Variants in KIF6 observed in about 807,000 individuals in gnomAD.
The protein encoded by KIF6 is kinesin-like protein KIF6.
A neutral mutation model predicts 112.7 loss-of-function variants in KIF6; 106 were observed. The ratio of observed to expected loss-of-function variants is 0.94; its 90% CI spans 0.80 to 1.11. The LOEUF (loss-of-function observed/expected upper bound fraction) is 1.11, where lower values mean the gene tolerates loss of function less well. KIF6 is among the 50% of genes least tolerant of loss of function. KIF6 has a pLI of 0.00. For missense variants in KIF6, 929 were observed against 964.0 expected (o/e 0.96, Z 0.48); for synonymous variants, 339 against 339.9 (o/e 1.00, Z 0.03).
intron 19 of KIF6, chr6:39,353,893 G>T (rs1764442255): frequency 1.8e-6 from 1 of 557,214 alleles, no homozygotes; most frequent in Admixed American, 2.1e-5. Context: ...AGTTCCTACT[G>T]CTAAGTGGAG....
At chr6:39,539,686 A>C (rs897698524) in intron 13 of KIF6, among the ~76,000 whole-genome samples, 9 of 152,096 alleles carry the variant, frequency 5.9e-5, no homozygotes, top group Non-Finnish European at 1.3e-4. Flanking sequence ...GTTCATTTGG[A>C]TTTATAAATA....
intron 3 of KIF6, among the ~76,000 whole-genome samples, chr6:39,684,049 T>C (rs1489238007): frequency 6.6e-6 from 1 of 152,204 alleles, no homozygotes; most frequent in East Asian, 1.9e-4. Flanking sequence ...TGCTCAGTTA[T>C]TGACTGGGAA....
intron 13 of KIF6, among the ~76,000 whole-genome samples, chr6:39,534,556 A>G (rs1467165381): frequency 6.6e-6 from 1 of 152,232 alleles, no homozygotes; most frequent in Non-Finnish European, 1.5e-5. Context: ...GAAATATGGG[A>G]CTATGTGAAA....
chr6:39,560,251 G>A (rs1477367301), intron 10 of KIF6, among the ~76,000 whole-genome samples: 1 of 152,208 alleles, frequency 6.6e-6, no homozygotes, highest in Non-Finnish European at 1.5e-5. Flanking sequence ...ATAAAACGTA[G>A]TGCAAGCATT....
At chr6:39,506,871 A>G (rs1370192398) in intron 13 of KIF6, among the ~76,000 whole-genome samples, 1 of 151,992 alleles carries the variant, frequency 6.6e-6, no homozygotes, top group Non-Finnish European at 1.5e-5. Flanking sequence ...TTGAGTTAAG[A>G]GCTTCTGGGC....
intron 8 of KIF6, among the ~76,000 whole-genome samples, 173 bp from the exon 9 acceptor site, chr6:39,585,157 G>C (rs1781553290): frequency 6.6e-6 from 1 of 152,222 alleles, no homozygotes; most frequent in African/African-American, 2.4e-5. Flanking sequence ...TAGAACAACA[G>C]TCCCCAACCT....
chr6:39,346,136 T>TCTCC (rs1763778893), intron 20 of KIF6, among the ~76,000 whole-genome samples: 1 of 94,538 alleles, frequency 1.1e-5, no homozygotes, highest in African/African-American at 4.9e-5. Flanking sequence ...CCTCTCCCTC[T>TCTCC]CTCTCTCTCT....
chr6:39,501,899 G>A (rs755804147), intron 13 of KIF6, among the ~76,000 whole-genome samples: 2 of 152,244 alleles, frequency 1.3e-5, no homozygotes, highest in Non-Finnish European at 2.9e-5. Context: ...GAACCAAGTT[G>A]GAAAAGACAC....
chr6:39,347,337 C>T lies in KIF6; in HGVS notation c.2181-811G>A, dbSNP rs114033735. Among the ~76,000 whole-genome samples, 1,095 of 152,292 alleles carry T rather than the reference C, an allele frequency of 7.2e-3. 3 individuals are homozygous for T. Among genetic ancestry groups the T allele is most frequent in the Non-Finnish European group, 0.012 (807 of 68,020 alleles). ...ACTGCCTGCCCCTGGGACCTAGCTT[C>T]ATGCTGAGAGAGGAGTCAGATCCAA... On this transcript the variant is annotated intron_variant, in intron 19 of 22. Coordinates refer to ENST00000287152, the MANE Select transcript of KIF6 (RefSeq NM_145027.6).
intron 12 of KIF6, among the ~76,000 whole-genome samples, chr6:39,541,133 A>G (rs1458543772): frequency 6.6e-6 from 1 of 152,216 alleles, no homozygotes; most frequent in African/African-American, 2.4e-5. Context: ...CCTAAAGGGT[A>G]AACTTTTCAG....
chr6:39,501,219 A>T (rs761554191), intron 13 of KIF6, among the ~76,000 whole-genome samples: 9 of 152,094 alleles, frequency 5.9e-5, no homozygotes, highest in Non-Finnish European at 1.0e-4. Flanking sequence ...TCTAGAGCAG[A>T]CTCCCAGCAA....
Position 39,634,890 on chromosome 6 carries a change from A to T in KIF6, c.468T>A (p.Leu156=). 1 of 1,612,690 alleles carries T rather than the reference A, an allele frequency of 6.2e-7. No homozygotes were observed. The highest frequency in any genetic ancestry group is 8.5e-7 in the Non-Finnish European group (1 of 1,178,942). ...LEIYNECGYD[L]LDPRHEASSL... The stretch of plus-strand genomic sequence containing the variant: ...TGGAGGCTTCATGTCTTGGATCCAA[A>T]AGATCATAACCACATTCATTGTAGA... The change falls in exon 5 of 23, where the codon CTT becomes CTA. Residue 156 remains leucine (L), a synonymous_variant. Transcript: ENST00000287152.
chr6:39,525,079 AT>A (rs1264316116), intron 13 of KIF6, among the ~76,000 whole-genome samples: 3 of 152,122 alleles, frequency 2.0e-5, no homozygotes, highest in African/African-American at 7.2e-5. Context: ...AGTCTGGGCA[AT>A]TTGTCTTCTA....
chr6:39,454,989 C>T (rs1443133470), intron 13 of KIF6, among the ~76,000 whole-genome samples: 2 of 150,762 alleles, frequency 1.3e-5, no homozygotes, highest in African/African-American at 4.8e-5. Flanking sequence ...ACAAAGCAGC[C>T]GGGAAGCTCG....
intron 10 of KIF6, among the ~76,000 whole-genome samples, chr6:39,567,202 C>T (rs1186085860): frequency 6.6e-6 from 1 of 152,140 alleles, no homozygotes; most frequent in Non-Finnish European, 1.5e-5. Flanking sequence ...GCTTGTGGGC[C>T]TGGCATTGTG....
intron 15 of KIF6, among the ~76,000 whole-genome samples, chr6:39,387,439 C>A (rs1412965283): frequency 2.0e-5 from 3 of 152,140 alleles, no homozygotes; most frequent in Non-Finnish European, 4.4e-5. Context: ...GTCTGGGGCA[C>A]CTGCATGTCT....
chr6:39,402,652 C>T (rs1302204450), intron 15 of KIF6, among the ~76,000 whole-genome samples: 2 of 152,106 alleles, frequency 1.3e-5, no homozygotes, highest in Non-Finnish European at 2.9e-5. Flanking sequence ...ATTACTCCAC[C>T]AACGAGGCCT....
At chr6:39,349,367 G>A (rs548220000) in intron 19 of KIF6, among the ~76,000 whole-genome samples, 89 of 152,186 alleles carry the variant, frequency 5.8e-4, no homozygotes, top group Non-Finnish European at 6.3e-4. Flanking sequence ...GGCTGGCAGC[G>A]GCATGATCAA....
intron 3 of KIF6, among the ~76,000 whole-genome samples, chr6:39,664,431 G>T (rs370685709): frequency 2.0e-4 from 30 of 152,160 alleles, no homozygotes; most frequent in African/African-American, 7.0e-4. Flanking sequence ...GGAAGGAGCT[G>T]GGATTATGTG....
Sources: gnomAD v4.1 joint callset for allele counts (sites outside exome capture counted in the v4.1 genomes callset) on GRCh38, gnomAD v4.1.1 for gene constraint, MANE v1.5 for transcripts, NCBI Gene and HGNC (gene_info 2026-07-23, HGNC 2026-07-21) for gene names.